The following SGCD variants were observed in gnomAD, a reference collection of about 807,000 sequenced individuals.
SGCD encodes the protein delta-sarcoglycan.
Under a neutral mutation model 36.6 loss-of-function variants are expected in SGCD, and 18 were observed. The ratio of observed to expected loss-of-function variants is 0.49; its 90% CI spans 0.34 to 0.73. The LOEUF (loss-of-function observed/expected upper bound fraction) is 0.73, where lower values mean the gene tolerates loss of function less well. Ranked by LOEUF, SGCD falls within the 30% of genes least tolerant of loss-of-function variation. SGCD has a pLI of 0.01. For missense variants in SGCD, 387 were observed against 346.7 expected (o/e 1.12, Z -0.92); for synonymous variants, 133 against 130.6 (o/e 1.02, Z -0.12).
intron 3 of SGCD, among the ~76,000 whole-genome samples, chr5:156,365,547 T>C (rs915199500): frequency 1.3e-5 from 2 of 152,196 alleles, no homozygotes; most frequent in African/African-American, 4.8e-5. Flanking sequence ...TCTTTCTGCA[T>C]GGATGTTGTT....
At chr5:156,482,813 GTTTTTTTTTTTTTTT>G (rs3074979) in intron 3 of SGCD, among the ~76,000 whole-genome samples, 1 of 83,380 alleles carries the variant, frequency 1.2e-5, no homozygotes, top group African/African-American at 4.9e-5. Flanking sequence ...CTTTTGGTCA[GTTTTTTTTTTTTTTT>G]TTTTTTTTTT....
chr5:155,982,671 C>T (rs559033716), intron 1 of SGCD, among the ~76,000 whole-genome samples: 52 of 152,242 alleles, frequency 3.4e-4, no homozygotes, highest in Non-Finnish European at 6.5e-4. Flanking sequence ...GTTTCCCAGG[C>T]AGTAGAGTGA....
intron 3 of SGCD, among the ~76,000 whole-genome samples, chr5:156,155,062 A>G (rs996429027): frequency 6.6e-6 from 1 of 151,738 alleles, no homozygotes; most frequent in Non-Finnish European, 1.5e-5. Flanking sequence ...AACAATGAGA[A>G]CATGCGACAA....
rs112329135 is a variant in SGCD, at chr5:156,017,187, T to C, written c.-281-100691T>C. On this transcript the variant is annotated intron_variant, in intron 1 of 9. Coordinates refer to the SGCD transcript ENST00000517913. Reference sequence around the variant, plus strand: ...CATCTAAAAATATCTTTGTAAAGTGTCTTGCCTGCTTTTCTGTATTGTTTC... The same window carrying C: ...CATCTAAAAATATCTTTGTAAAGTGCCTTGCCTGCTTTTCTGTATTGTTTC... Among the ~76,000 whole-genome samples the C allele has an allele frequency of 4.9e-3, 742 of 152,332 alleles. 9 individuals carry two copies. Among genetic ancestry groups the C allele is most frequent in the African/African-American group, 0.017 (693 of 41,576 alleles).
chr5:155,848,445 T>C, the SGCD span, among the ~76,000 whole-genome samples: 1 of 152,182 alleles, frequency 6.6e-6, no homozygotes, highest in Admixed American at 6.5e-5. Context: ...TTGGTTATGA[T>C]ATCACTCAAC....
At chr5:155,748,075 C>T in the SGCD span, among the ~76,000 whole-genome samples, 3 of 152,166 alleles carry the variant, frequency 2.0e-5, no homozygotes, top group Admixed American at 2.0e-4. Flanking sequence ...CACACTCCAA[C>T]TCTGACCAGG....
intron 7 of SGCD, among the ~76,000 whole-genome samples, chr5:156,739,029 T>C (rs1209213515): frequency 6.6e-6 from 1 of 152,142 alleles, no homozygotes; most frequent in African/African-American, 2.4e-5. Context: ...AAATTGCTAA[T>C]AAGTTAGAAG....
chr5:156,400,293 T>A (rs1772075499), intron 3 of SGCD, among the ~76,000 whole-genome samples: 1 of 152,208 alleles, frequency 6.6e-6, no homozygotes, highest in South Asian at 2.1e-4. Flanking sequence ...GATATGTTAT[T>A]GACACTTGGA....
intron 3 of SGCD, among the ~76,000 whole-genome samples, chr5:156,443,403 A>T (rs905724940): frequency 1.3e-5 from 2 of 152,188 alleles, no homozygotes; most frequent in African/African-American, 2.4e-5. Flanking sequence ...TTTTGCCAAC[A>T]TGAATAGCAA....
rs151158436 is a variant in SGCD, at chr5:156,732,738, G to A, written c.576-24843G>A. ...TCTGGTCCTGGGCTCTTTTTGGTTGGTAGGCTATTTATTACTGCCTCAATT... is the reference window on the plus strand; with the variant it reads ...TCTGGTCCTGGGCTCTTTTTGGTTGATAGGCTATTTATTACTGCCTCAATT... On this transcript the variant is annotated intron_variant, in intron 7 of 8. Transcript: ENST00000337851. Among the ~76,000 whole-genome samples, 740 of 152,186 alleles carry A rather than the reference G, an allele frequency of 4.9e-3. 6 individuals carry two copies. The highest frequency in any genetic ancestry group is 0.016 in the African/African-American group (669 of 41,526).
At chr5:155,808,404 C>T in the SGCD span, among the ~76,000 whole-genome samples, 1 of 152,154 alleles carries the variant, frequency 6.6e-6, no homozygotes, top group Non-Finnish European at 1.5e-5. Flanking sequence ...TTTGCACCCA[C>T]CCTTGTTGGC....
intron 3 of SGCD, among the ~76,000 whole-genome samples, chr5:156,226,234 CCT>C (rs1232947620): frequency 1.3e-5 from 2 of 152,148 alleles, no homozygotes; most frequent in African/African-American, 4.8e-5. Context: ...GCCCTTTCCC[CCT>C]GAGTCCGCAA....
chr5:155,836,396 C>T, the SGCD span, among the ~76,000 whole-genome samples: 5 of 152,044 alleles, frequency 3.3e-5, no homozygotes, highest in East Asian at 9.7e-4. Flanking sequence ...TTTTATTCTG[C>T]AAATGAAAAA....
At chr5:156,318,061 A>G (rs1346202189) in intron 3 of SGCD, among the ~76,000 whole-genome samples, 1 of 152,228 alleles carries the variant, frequency 6.6e-6, no homozygotes, top group Non-Finnish European at 1.5e-5. Flanking sequence ...TTCAGTGAAG[A>G]GACTTAGAAA....
intron 1 of SGCD, among the ~76,000 whole-genome samples, chr5:156,098,181 T>C (rs888153720): frequency 3.3e-5 from 5 of 152,222 alleles, no homozygotes; most frequent in Admixed American, 6.5e-5. Context: ...ATTGTTTCCC[T>C]TTATTTTGTT....
intron 3 of SGCD, among the ~76,000 whole-genome samples, chr5:156,151,207 T>C (rs569215981): frequency 6.6e-6 from 1 of 151,814 alleles, no homozygotes; most frequent in South Asian, 2.1e-4. Context: ...CTCCATTCTT[T>C]ACATGAAGAC....
chr5:156,159,888 G>C (rs570316708), intron 3 of SGCD, among the ~76,000 whole-genome samples: 2 of 151,444 alleles, frequency 1.3e-5, no homozygotes, highest in South Asian at 4.1e-4. Context: ...ATCTTGTATT[G>C]TTAAATATGT....
intron 3 of SGCD, among the ~76,000 whole-genome samples, chr5:156,278,454 T>C (rs1766374065): frequency 6.6e-6 from 1 of 152,112 alleles, no homozygotes; most frequent in Non-Finnish European, 1.5e-5. Flanking sequence ...GATGACTCAA[T>C]CTAGAAGGGT....
chr5:156,450,157 T>C (rs1481122561), intron 3 of SGCD, among the ~76,000 whole-genome samples: 1 of 152,108 alleles, frequency 6.6e-6, no homozygotes, highest in African/African-American at 2.4e-5. Flanking sequence ...CTTACTCCTC[T>C]CAGAAAGCTT....
Sources: allele counts gnomAD v4.1 joint callset (sites outside exome capture counted in the v4.1 genomes callset), GRCh38; gene constraint gnomAD v4.1.1; transcripts MANE v1.5; gene names NCBI Gene and HGNC (gene_info 2026-07-23, HGNC 2026-07-21).